The following SLC7A11 variants were observed in gnomAD, a reference collection of about 807,000 sequenced individuals.
SLC7A11 encodes the protein cystine/glutamate transporter.
SLC7A11 carries 35 observed loss-of-function variants against 54.5 expected under a neutral mutation model. That is an observed-to-expected ratio of 0.64 (90% CI 0.49 to 0.85). The LOEUF (loss-of-function observed/expected upper bound fraction) is 0.85. Ranked by LOEUF, SLC7A11 falls within the 40% of genes least tolerant of loss-of-function variation. The pLI is 0.00. For missense variants in SLC7A11, 583 were observed against 618.1 expected (o/e 0.94, Z 0.60); for synonymous variants, 230 against 225.2 (o/e 1.02, Z -0.19).
intron 1 of SLC7A11, among the ~76,000 whole-genome samples, chr4:138,240,794 A>C (rs964558698): frequency 5.3e-5 from 8 of 152,230 alleles, no homozygotes; most frequent in Non-Finnish European, 8.8e-5. Flanking sequence ...CAAGAAGAGT[A>C]AATAAATCCT....
chr4:138,171,834 A>C lies in SLC7A11; in HGVS notation c.*122T>G. 8.0e-7 allele frequency: 1 copy of C among 1,257,292 alleles called. No homozygotes were observed. Among genetic ancestry groups the C allele is most frequent in the Non-Finnish European group, 1.1e-6 (1 of 926,140 alleles). 77.9% of individuals were successfully genotyped at this position (1,257,292 alleles called of 1,614,324 possible). A position where few individuals can be genotyped will look rare whatever the true frequency, so the allele number is the denominator to read the frequency against. On this transcript the variant is annotated 3_prime_UTR_variant, in exon 12 of 12. Coordinates refer to ENST00000280612, the MANE Select transcript of SLC7A11 (RefSeq NM_014331.4). ...GAATATGCTAAAATATATGAATAAA[A>C]ATAACTGACTCCTTTTGTTTATCAC...
At chr4:138,172,086 A>C (rs1221739314) in intron 11 of SLC7A11, 69 bp from the exon 12 acceptor site, 3 of 1,478,696 alleles carry the variant, frequency 2.0e-6, no homozygotes, top group Non-Finnish European at 2.7e-6. Flanking sequence ...GCAAAATATG[A>C]ATTATTTTGG....
chr4:138,199,069 G>A (rs1279349515), intron 6 of SLC7A11, among the ~76,000 whole-genome samples: 1 of 152,044 alleles, frequency 6.6e-6, no homozygotes. Flanking sequence ...ACAAAGCCCT[G>A]GCCTTGGGAA....
chr4:138,228,864 C>A (rs559193809), intron 3 of SLC7A11, among the ~76,000 whole-genome samples: 1 of 151,700 alleles, frequency 6.6e-6, no homozygotes, highest in African/African-American at 2.4e-5. Flanking sequence ...TTAACTTCCA[C>A]GCACCTGACA....
In SLC7A11 at chr4:138,165,058, A is replaced by C. The variant is rs1298047076; in HGVS notation, c.*6898T>G. On this transcript the variant is annotated 3_prime_UTR_variant, in exon 12 of 12. Coordinates refer to ENST00000280612, the MANE Select transcript of SLC7A11 (RefSeq NM_014331.4). The stretch of plus-strand genomic sequence containing the variant: ...GAAAAATATTTAAATACATTCATAG[A>C]TAGTACCTAATAATATGTTAACATA... 1 of 152,494 alleles carries C rather than the reference A, an allele frequency of 6.6e-6. No homozygotes were observed. The highest frequency in any genetic ancestry group is 2.4e-5 in the African/African-American group (1 of 41,462). 9.4% of individuals were successfully genotyped at this position (152,494 alleles called of 1,614,324 possible).
rs1259643634 is a variant in SLC7A11 at position 138,167,512 on chromosome 4, T to A, written c.*4444A>T. 2 of 152,162 alleles carry A rather than the reference T, an allele frequency of 1.3e-5. No homozygotes were observed. Among genetic ancestry groups the A allele is most frequent in the Non-Finnish European group, 2.9e-5 (2 of 68,022 alleles). 9.4% of individuals were successfully genotyped at this position (152,162 alleles called of 1,614,324 possible). On this transcript the variant is annotated 3_prime_UTR_variant, in exon 12 of 12. Coordinates refer to ENST00000280612, the MANE Select transcript of SLC7A11 (RefSeq NM_014331.4). The stretch of plus-strand genomic sequence containing the variant: ...ACTAAGGACTACCTAGAGATCACAC[T>A]TTTAGATATTATCTATTTTAACATA...
At chr4:138,201,129 C>A (rs1054276355) in intron 6 of SLC7A11, among the ~76,000 whole-genome samples, 4 of 152,062 alleles carry the variant, frequency 2.6e-5, no homozygotes, top group Admixed American at 2.0e-4. Flanking sequence ...ACATTCTATT[C>A]TTTAATATCT....
chr4:138,214,639 G>A lies in SLC7A11; in HGVS notation c.747-10C>T. 1 of 1,150,800 alleles carries A rather than the reference G, an allele frequency of 8.7e-7. No individual in the cohort carries two copies. Among genetic ancestry groups the A allele is most frequent in the Non-Finnish European group, 1.2e-6 (1 of 817,748 alleles). 71.3% of individuals were successfully genotyped at this position (1,150,800 alleles called of 1,614,324 possible). On this transcript the variant is annotated splice_polypyrimidine_tract_variant and intron_variant, in intron 5 of 11. Coordinates refer to ENST00000280612, the MANE Select transcript of SLC7A11 (RefSeq NM_014331.4). ...AAAGTTGAGGTAAAACCTAAAAATA[G>A]ATAAATAAATTATAAACTATTAATA...
intron 7 of SLC7A11, among the ~76,000 whole-genome samples, chr4:138,183,900 C>A (rs1452484632): frequency 6.6e-6 from 1 of 152,050 alleles, no homozygotes; most frequent in Non-Finnish European, 1.5e-5. Flanking sequence ...GTGTCAATTT[C>A]TTTTGTGGTT....
rs1737861007 is a variant in SLC7A11 at position 138,223,297 on chromosome 4, C to T, written c.548G>A (p.Ser183Asn). 1.2e-6 allele frequency: 2 copies of T among 1,613,514 alleles called. No homozygotes were observed. Among genetic ancestry groups the T allele is most frequent in the Admixed American group, 1.7e-5 (1 of 59,984 alleles). Residue 183 changes from serine (S) to asparagine (N), a missense_variant, in exon 4 of 12, where the codon AGT (serine) becomes AAT (asparagine). Ser to Asn is a conservative substitution (Grantham distance 46). Transcript: ENST00000280612. Reference protein sequence around the residue: ...ITVVMVLNSMSVSWSARIQIF... With the variant: ...ITVVMVLNSMNVSWSARIQIF... Reference sequence around the variant, plus strand: ...CTGGATCCGGGCGCTCCAGCTGACACTCATGCTATTTAGGACCATCACTAC... The same window carrying T: ...CTGGATCCGGGCGCTCCAGCTGACATTCATGCTATTTAGGACCATCACTAC...
At chr4:138,186,182 C>G (rs1200518298) in intron 6 of SLC7A11, among the ~76,000 whole-genome samples, 1 of 152,160 alleles carries the variant, frequency 6.6e-6, no homozygotes, top group Admixed American at 6.5e-5. Flanking sequence ...ATCGCCTCTT[C>G]AGACTCTCTC....
At chr4:138,173,414 C>T (rs1163948478) in intron 11 of SLC7A11, among the ~76,000 whole-genome samples, 3 of 152,086 alleles carry the variant, frequency 2.0e-5, no homozygotes, top group East Asian at 1.9e-4. Flanking sequence ...GTGGGTGGAT[C>T]ACCTGAGGTT....
At chr4:138,236,779 G>C (rs1738217834) in intron 1 of SLC7A11, among the ~76,000 whole-genome samples, 1 of 152,132 alleles carries the variant, frequency 6.6e-6, no homozygotes, top group Admixed American at 6.5e-5. Context: ...AGAGGAGAGA[G>C]ATGTCAATAA....
intron 6 of SLC7A11, among the ~76,000 whole-genome samples, chr4:138,191,802 C>T (rs1227106892): frequency 6.6e-6 from 1 of 152,024 alleles, no homozygotes; most frequent in Non-Finnish European, 1.5e-5. Flanking sequence ...CATTTTTTCT[C>T]ATTTTCTAAA....
intron 10 of SLC7A11, among the ~76,000 whole-genome samples, chr4:138,180,086 T>C (rs1260326490): frequency 6.6e-6 from 1 of 152,124 alleles, no homozygotes; most frequent in Non-Finnish European, 1.5e-5. Flanking sequence ...TGCTTACTTA[T>C]GGTAAATGGG....
At chr4:138,232,182 G>T in intron 3 of SLC7A11, 85 bp downstream of exon 3, 2 of 912,712 alleles carry the variant, frequency 2.2e-6, no homozygotes, top group Non-Finnish European at 3.6e-6. Flanking sequence ...AGGCAATCCC[G>T]CAATGCAAAA....
chr4:138,214,762 TAAC>T (rs1400228245), intron 5 of SLC7A11, 133 bp from the exon 6 acceptor site: 1 of 345,156 alleles, frequency 2.9e-6, no homozygotes, highest in Non-Finnish European at 5.3e-6. Context: ...TGAAAATATC[TAAC>T]AACTAAATAC....
chr4:138,184,880 A>G (rs1338244123), intron 7 of SLC7A11, among the ~76,000 whole-genome samples: 5 of 152,188 alleles, frequency 3.3e-5, no homozygotes, highest in African/African-American at 1.2e-4. Context: ...ATTTTCAAGC[A>G]TGTATGTGTG....
At chr4:138,214,478 A>G in intron 6 of SLC7A11, 107 bp downstream of exon 6, 1 of 543,050 alleles carries the variant, frequency 1.8e-6, no homozygotes, top group Non-Finnish European at 3.3e-6. Flanking sequence ...TGACGATGTT[A>G]AGGTTGACTA....
Sources: gnomAD v4.1 joint callset for allele counts (sites outside exome capture counted in the v4.1 genomes callset) on GRCh38, gnomAD v4.1.1 for gene constraint, MANE v1.5 for transcripts, NCBI Gene and HGNC (gene_info 2026-07-23, HGNC 2026-07-21) for gene names.